Variants in COL19A1 observed in about 807,000 individuals in gnomAD.
COL19A1 encodes the protein collagen type XIX alpha 1 chain, also known as collagen alpha-1(XIX) chain.
In COL19A1, 159 loss-of-function variants were observed where a neutral mutation model predicts 190.2. That is an observed-to-expected ratio of 0.84 (90% CI 0.73 to 0.95). The LOEUF (loss-of-function observed/expected upper bound fraction) is 0.95. Among genes scored for constraint, COL19A1 ranks in the 40% least tolerant of loss-of-function variants. The pLI, the probability that COL19A1 is intolerant of heterozygous loss-of-function variation, is 0.00. For missense variants in COL19A1, 1,418 were observed against 1,431.9 expected (o/e 0.99, Z 0.16); for synonymous variants, 509 against 458.9 (o/e 1.11, Z -1.39).
At chr6:70,121,266 A>G (rs946909024) in intron 16 of COL19A1, among the ~76,000 whole-genome samples, 1 of 152,012 alleles carries the variant, frequency 6.6e-6, no homozygotes, top group Non-Finnish European at 1.5e-5. Context: ...AGCCAAATGT[A>G]TTTGCTTCTT....
At chr6:70,069,790 C>T (rs1781442917) in intron 15 of COL19A1, among the ~76,000 whole-genome samples, 1 of 152,170 alleles carries the variant, frequency 6.6e-6, no homozygotes, top group African/African-American at 2.4e-5. Flanking sequence ...AGAGTAGGAA[C>T]TGATCCTTGT....
At chr6:70,146,398 T>G (rs55872722) in intron 25 of COL19A1, among the ~76,000 whole-genome samples, 2,255 of 152,234 alleles carry the variant, frequency 0.015, 55 homozygotes, top group African/African-American at 0.048. Context: ...TTCATCTCCT[T>G]TGAACTTTTT....
At chr6:69,867,396 C>G (rs1767531833) in intron 1 of COL19A1, 1 of 155,264 alleles carries the variant, frequency 6.4e-6, no homozygotes, top group Non-Finnish European at 1.4e-5. Context: ...CAGCCACCGC[C>G]GCCGCCGCCG....
intron 1 of COL19A1, among the ~76,000 whole-genome samples, chr6:69,869,969 G>A (rs1166715392): frequency 6.6e-6 from 1 of 152,172 alleles, no homozygotes; most frequent in Non-Finnish European, 1.5e-5. Context: ...TTTCTGTGGA[G>A]GCAGAGAGCA....
At chr6:69,959,896 C>G in intron 9 of COL19A1, 100 bp from the exon 10 acceptor site, 1 of 1,020,278 alleles carries the variant, frequency 9.8e-7, no homozygotes, top group Non-Finnish European at 1.4e-6. Flanking sequence ...ATTAGGCTAC[C>G]TTTCCCCACA....
In COL19A1 at chr6:70,121,868, T is replaced by C. The variant is rs1296449513; in HGVS notation, c.1279-12T>C. On this transcript the variant is annotated splice_polypyrimidine_tract_variant and intron_variant, in intron 16 of 50. Transcript: ENST00000620364. The stretch of plus-strand genomic sequence containing the variant: ...TGTGTATATATTTGTCTTTGATTTG[T>C]TTATAATACAGGGACCTCCTGGAAT... The C allele has an allele frequency of 5.8e-6, 9 of 1,540,562 alleles. No individual in the cohort carries two copies. Among genetic ancestry groups the C allele is most frequent in the Non-Finnish European group, 7.1e-6 (8 of 1,133,056 alleles).
In COL19A1 at chr6:70,065,013, A is replaced by T. The variant is rs142123890; in HGVS notation, c.1171-3410A>T. On this transcript the variant is annotated intron_variant, in intron 14 of 50. Coordinates refer to ENST00000620364, the MANE Select transcript of COL19A1 (RefSeq NM_001858.6). ...CTCATGGAGAGGAAGAATCAATATC[A>T]TGAAAATGGCCATACTGCCCAAGGT... Among the ~76,000 whole-genome samples, 215 of 152,290 alleles carry T rather than the reference A, an allele frequency of 1.4e-3. 1 individual carries two copies. The highest frequency in any genetic ancestry group is 4.9e-3 in the African/African-American group (204 of 41,580).
intron 12 of COL19A1, among the ~76,000 whole-genome samples, chr6:70,028,459 TC>T (rs1292856200): frequency 2.0e-5 from 3 of 152,154 alleles, no homozygotes; most frequent in African/African-American, 7.2e-5. Flanking sequence ...CAAGAGTCTG[TC>T]TGGGCATCGT....
intron 14 of COL19A1, among the ~76,000 whole-genome samples, chr6:70,041,247 A>C (rs16868473): frequency 0.053 from 8,111 of 152,306 alleles, 709 homozygotes; most frequent in African/African-American, 0.19. Flanking sequence ...AAGATACCAA[A>C]TTCACTAATT....
intron 11 of COL19A1, among the ~76,000 whole-genome samples, chr6:69,973,542 G>C (rs544622703): frequency 3.3e-5 from 5 of 152,174 alleles, no homozygotes; most frequent in African/African-American, 1.2e-4. Context: ...TTTAAATTGA[G>C]TAAAGGCAAC....
intron 19 of COL19A1, 121 bp downstream of exon 19, chr6:70,137,868 C>G: frequency 1.2e-6 from 1 of 867,024 alleles, no homozygotes; most frequent in South Asian, 1.6e-5. Context: ...AACAACAGAT[C>G]AGATCTTCAA....
intron 10 of COL19A1, among the ~76,000 whole-genome samples, chr6:69,960,776 G>A (rs1369636705): frequency 8.6e-5 from 13 of 151,912 alleles, no homozygotes; most frequent in Admixed American, 2.0e-4. Context: ...ACAGGTGCCC[G>A]CCACCACAGC....
chr6:69,883,911 C>T (rs13200171), intron 2 of COL19A1, among the ~76,000 whole-genome samples: 25,810 of 150,926 alleles, frequency 0.17, 2,396 homozygotes, highest in East Asian at 0.25. Flanking sequence ...CTTAGCCATT[C>T]GAGAGGAGAA....
chr6:69,886,300 G>A (rs1406876532), intron 2 of COL19A1, among the ~76,000 whole-genome samples: 1 of 152,106 alleles, frequency 6.6e-6, no homozygotes, highest in Non-Finnish European at 1.5e-5. Flanking sequence ...TACCTATAAG[G>A]ATAGCTATTA....
intron 12 of COL19A1, among the ~76,000 whole-genome samples, chr6:70,025,036 T>C (rs1301569873): frequency 6.6e-6 from 1 of 151,774 alleles, no homozygotes; most frequent in African/African-American, 2.4e-5. Flanking sequence ...CTTTTTTTTT[T>C]TTTTTTGAGA....
chr6:70,194,506 T>G (rs774188353), intron 48 of COL19A1, among the ~76,000 whole-genome samples: 4 of 152,158 alleles, frequency 2.6e-5, no homozygotes, highest in Non-Finnish European at 4.4e-5. Flanking sequence ...ATATATCCTC[T>G]CTGAAGTTCA....
chr6:70,111,626 TATC>T (rs776710840), intron 16 of COL19A1, among the ~76,000 whole-genome samples: 15 of 152,224 alleles, frequency 9.9e-5, no homozygotes, highest in Non-Finnish European at 2.1e-4. Context: ...CACTGGCTGA[TATC>T]ATCAGTATCT....
At chr6:70,034,175 T>G in intron 12 of COL19A1, 70 bp from the exon 13 acceptor site, 1 of 1,057,864 alleles carries the variant, frequency 9.5e-7, no homozygotes, top group Admixed American at 1.7e-5. Flanking sequence ...TATGATTTAT[T>G]TTGTTACTAA....
At chr6:69,872,020 T>C (rs1767869406) in intron 1 of COL19A1, among the ~76,000 whole-genome samples, 1 of 152,162 alleles carries the variant, frequency 6.6e-6, no homozygotes, top group South Asian at 2.1e-4. Flanking sequence ...TTTCACCATG[T>C]TGGCCAGACT....
Sources: allele counts gnomAD v4.1 joint callset (sites outside exome capture counted in the v4.1 genomes callset), GRCh38; gene constraint gnomAD v4.1.1; transcripts MANE v1.5; gene names NCBI Gene and HGNC (gene_info 2026-07-23, HGNC 2026-07-21).